The following MINDY3 variants were observed in gnomAD, a reference collection of about 807,000 sequenced individuals.
MINDY3 encodes the protein MINDY lysine 48 deubiquitinase 3, also known as ubiquitin carboxyl-terminal hydrolase MINDY-3.
MINDY3 carries 38 observed loss-of-function variants against 69.2 expected under a neutral mutation model. The ratio of observed to expected loss-of-function variants is 0.55; its 90% CI spans 0.42 to 0.72. The LOEUF is 0.72. MINDY3 is among the 30% of genes least tolerant of loss of function. The pLI is 0.00. For synonymous variants in MINDY3, 192 were observed against 180.1 expected (o/e 1.07, Z -0.53); for missense variants, 522 against 519.0 (o/e 1.01, Z -0.06).
chr10:15,832,954 CAG>C (rs901452928), intron 8 of MINDY3, among the ~76,000 whole-genome samples: 4 of 152,124 alleles, frequency 2.6e-5, no homozygotes, highest in African/African-American at 9.7e-5. Context: ...CTACGTACTT[CAG>C]AGAGGCACAC....
At position 15,837,313 on chromosome 10, in the gene MINDY3, C is replaced by T. The variant is rs759701593; in HGVS notation, c.467G>A (p.Arg156Lys). 6.3e-7 allele frequency: 1 copy of T among 1,589,002 alleles called. No homozygotes were observed. ...FERFHALIQK[R>K]SFRSLPELKD... ...TAATTCTGGTAAACTTCTGAACGAT[C>T]TTTTTCTGGGGGAAAAAAAGAATTA... Residue 156 changes from arginine (R) to lysine (K), a missense_variant, in exon 6 of 15, where the codon AGA becomes AAA. Transcript: ENST00000277632.
At chr10:15,812,968 C>T (rs1461506892) in intron 10 of MINDY3, among the ~76,000 whole-genome samples, 2 of 152,152 alleles carry the variant, frequency 1.3e-5, no homozygotes, top group East Asian at 3.9e-4. Context: ...CTCTCTACCT[C>T]ACTACTCTGG....
Position 15,794,208 on chromosome 10 carries a change from T to C in MINDY3, c.955+1892A>G, listed in dbSNP as rs77014947. Reference sequence around the variant, plus strand: ...TGTCCCTATACCAGCCTCTGCTAAATGGAAACTGTATGTAAATGCTTGTAA... The same window carrying C: ...TGTCCCTATACCAGCCTCTGCTAAACGGAAACTGTATGTAAATGCTTGTAA... On this transcript the variant is annotated intron_variant, in intron 11 of 14. Transcript: ENST00000277632. Among the ~76,000 whole-genome samples, 46 of 152,244 alleles carry C rather than the reference T, an allele frequency of 3.0e-4. No homozygotes were observed. The East Asian group carries it at 5.6e-3, about 19-fold the overall frequency.
chr10:15,808,680 T>C (rs1208928374), intron 10 of MINDY3, among the ~76,000 whole-genome samples: 1 of 152,204 alleles, frequency 6.6e-6, no homozygotes, highest in Non-Finnish European at 1.5e-5. Flanking sequence ...AGTTCTGTCA[T>C]GGATATTCAC....
chr10:15,832,983 A>T (rs1204800852), intron 8 of MINDY3, among the ~76,000 whole-genome samples: 1 of 152,194 alleles, frequency 6.6e-6, no homozygotes, highest in East Asian at 1.9e-4. Context: ...TACTTAATGT[A>T]AGTTAAATGA....
intron 7 of MINDY3, among the ~76,000 whole-genome samples, chr10:15,834,115 G>T (rs991153480): frequency 1.3e-5 from 2 of 151,938 alleles, no homozygotes; most frequent in Non-Finnish European, 2.9e-5. Context: ...ATTAGAGTAG[G>T]TTAACTATCA....
intron 10 of MINDY3, among the ~76,000 whole-genome samples, chr10:15,808,805 A>G (rs970711421): frequency 2.0e-5 from 3 of 152,048 alleles, no homozygotes; most frequent in African/African-American, 7.2e-5. Flanking sequence ...GTGATGTAAA[A>G]CTCATCTCCC....
At chr10:15,848,651 AAAAAAAAAAAAGAAAG>A (rs1208095150) in intron 1 of MINDY3, among the ~76,000 whole-genome samples, 1 of 128,396 alleles carries the variant, frequency 7.8e-6, no homozygotes, top group African/African-American at 2.6e-5. Flanking sequence ...AAAAAAAAAA[AAAAAAAAAAAAGAAAG>A]AAAAATTAAA....
intron 10 of MINDY3, 71 bp from the exon 11 acceptor site, chr10:15,796,243 G>T (rs928710532): frequency 1.7e-6 from 2 of 1,175,280 alleles, no homozygotes; most frequent in African/African-American, 1.5e-5. Context: ...AGATACTAGG[G>T]TAGGCAGACA....
rs993437253 is a variant in MINDY3, at chr10:15,847,857, A to G, written c.174+7T>C. 6 of 1,610,244 alleles carry G rather than the reference A, an allele frequency of 3.7e-6. No homozygotes were observed. The highest frequency in any genetic ancestry group is 3.3e-5 in the South Asian group (3 of 91,012). Reference sequence around the variant, plus strand: ...CTCTAAGGAGTTGGTAAAGGAGTCTATGTTACCTGAACAGGTGCAATAACA... The same window carrying G: ...CTCTAAGGAGTTGGTAAAGGAGTCTGTGTTACCTGAACAGGTGCAATAACA... On this transcript the variant is annotated splice_region_variant and intron_variant, in intron 2 of 14. Coordinates refer to ENST00000277632, the MANE Select transcript of MINDY3 (RefSeq NM_024948.4).
chr10:15,846,867 G>A (rs1202623172), intron 2 of MINDY3, among the ~76,000 whole-genome samples: 1 of 151,886 alleles, frequency 6.6e-6, no homozygotes. Context: ...GGGACTACAG[G>A]TGCCCACCAC....
chr10:15,838,173 T>G, intron 5 of MINDY3, 55 bp downstream of exon 5: 2 of 1,552,892 alleles, frequency 1.3e-6, no homozygotes. Flanking sequence ...TGAACAGACT[T>G]AAAGTGGCAA....
At chr10:15,821,288 AGTT>A (rs1346480181) in intron 9 of MINDY3, among the ~76,000 whole-genome samples, 1 of 152,206 alleles carries the variant, frequency 6.6e-6, no homozygotes, top group Non-Finnish European at 1.5e-5. Context: ...AAGTATTACC[AGTT>A]GTTTTAGTGA....
Position 15,796,172 on chromosome 10 carries a change from C to G in MINDY3, c.883G>C (p.Asp295His), listed in dbSNP as rs1447412638. 6.2e-7 allele frequency: 1 copy of G among 1,612,032 alleles called. No individual in the cohort carries two copies. Among genetic ancestry groups the G allele is most frequent in the South Asian group, 1.1e-5 (1 of 90,942 alleles). The change falls in exon 11 of 15, where the codon GAT (aspartate) becomes CAT (histidine). Residue 295 changes from aspartate to histidine, a missense_variant and splice_region_variant. Transcript: ENST00000277632. The stretch of plus-strand genomic sequence containing the variant: ...GCTTCAGGGGCAACTAAAGCCATAT[C>G]CTGAAAAGATAAGAAGCATGTTGTC... ...ETHLTVFFAK[D>H]MALVAPEAPS... is the part of the protein sequence containing the mutation.
chr10:15,859,545 C>T (rs78961390), intron 1 of MINDY3, among the ~76,000 whole-genome samples: 5,109 of 152,076 alleles, frequency 0.034, 273 homozygotes, highest in African/African-American at 0.12. Context: ...TAAGACTCTT[C>T]ATGTAAGTAA....
intron 10 of MINDY3, among the ~76,000 whole-genome samples, chr10:15,800,904 T>C (rs1277115117): frequency 2.0e-5 from 3 of 152,174 alleles, no homozygotes; most frequent in Admixed American, 1.3e-4. Context: ...CACCTTTAGA[T>C]TCTAATATGA....
intron 11 of MINDY3, 113 bp downstream of exon 11, chr10:15,795,987 A>C: frequency 2.4e-6 from 2 of 833,674 alleles, no homozygotes; most frequent in Non-Finnish European, 3.9e-6. Flanking sequence ...AAGAAACACA[A>C]CTTACATTTC....
intron 10 of MINDY3, among the ~76,000 whole-genome samples, chr10:15,802,192 G>C (rs1838312253): frequency 1.3e-5 from 2 of 151,982 alleles, no homozygotes; most frequent in South Asian, 4.2e-4. Flanking sequence ...CTATGCAGGG[G>C]GTTAGCACCC....
In MINDY3 at chr10:15,782,075, G is replaced by A. The variant is rs895670975; in HGVS notation, c.1188+80C>T. 25 of 993,094 alleles carry A rather than the reference G, an allele frequency of 2.5e-5. No homozygotes were observed. The Middle Eastern group carries it at 8.2e-4, about 33-fold the overall frequency. The allele number at this position is 993,094 out of a possible 1,614,324, so 61.5% of individuals were successfully genotyped here. A position where few individuals can be genotyped will look rare whatever the true frequency, so the allele number is the denominator to read the frequency against. On this transcript the variant is annotated intron_variant, in intron 14 of 14. Coordinates refer to ENST00000277632, the MANE Select transcript of MINDY3 (RefSeq NM_024948.4). ...GAATAATCTTAGGTAGCAATTGTAC[G>A]GGAATCGAACATTGTTACATACTCA...
Sources: gnomAD v4.1 joint callset for allele counts (sites outside exome capture counted in the v4.1 genomes callset) on GRCh38, gnomAD v4.1.1 for gene constraint, MANE v1.5 for transcripts, NCBI Gene and HGNC (gene_info 2026-07-23, HGNC 2026-07-21) for gene names.